The following GLRB variants were observed in gnomAD, a reference collection of about 807,000 sequenced individuals.
GLRB encodes glycine receptor subunit beta.
GLRB carries 33 observed loss-of-function variants against 54.2 expected under a neutral mutation model. The ratio of observed to expected loss-of-function variants is 0.61; its 90% CI spans 0.46 to 0.81. The LOEUF (loss-of-function observed/expected upper bound fraction) is 0.81. Among genes scored for constraint, GLRB ranks in the 40% least tolerant of loss-of-function variants. The pLI is 0.00. For missense variants in GLRB, 572 were observed against 584.6 expected (o/e 0.98, Z 0.22); for synonymous variants, 209 against 208.2 (o/e 1.00, Z -0.03).
At chr4:157,126,795 G>T (rs1437051400) in intron 4 of GLRB, among the ~76,000 whole-genome samples, 1 of 151,712 alleles carries the variant, frequency 6.6e-6, no homozygotes, top group Non-Finnish European at 1.5e-5. Context: ...GGAAAACTGG[G>T]TATTATCGTG....
At position 157,097,849 on chromosome 4, in the gene GLRB, C is replaced by T. The variant is rs369703248; in HGVS notation, c.122+19703C>T. Among the ~76,000 whole-genome samples, 1,316 of 152,132 alleles carry T rather than the reference C, an allele frequency of 8.7e-3. 18 individuals carry two copies. The highest frequency in any genetic ancestry group is 0.03 in the African/African-American group (1,260 of 41,508). ...CAGCCTGGCCACAATGGTGAAACCCCGTCTCTACTAAAAATACAAAAATTA... is the reference window on the plus strand; with the variant it reads ...CAGCCTGGCCACAATGGTGAAACCCTGTCTCTACTAAAAATACAAAAATTA... On this transcript the variant is annotated intron_variant, in intron 2 of 9. Coordinates refer to ENST00000264428, the MANE Select transcript of GLRB (RefSeq NM_000824.5).
intron 7 of GLRB, among the ~76,000 whole-genome samples, chr4:157,142,043 A>G (rs1367069603): frequency 1.3e-5 from 2 of 152,128 alleles, no homozygotes; most frequent in Non-Finnish European, 2.9e-5. Flanking sequence ...AACTAATTTG[A>G]CTTAGTGATA....
rs937952707 is a variant in GLRB, at chr4:157,170,925, A to G, written c.*197A>G. ...AATATCTGTGCTCTAATAACGATGT[A>G]TATATGTATAGTGAACATATTGCTT... On this transcript the variant is annotated 3_prime_UTR_variant, in exon 10 of 10. Coordinates refer to ENST00000264428, the MANE Select transcript of GLRB (RefSeq NM_000824.5). 3.9e-6 allele frequency: 2 copies of G among 509,956 alleles called. No individual in the cohort carries two copies. The highest frequency in any genetic ancestry group is 3.8e-5 in the African/African-American group (2 of 52,112). The allele number at this position is 509,956 out of a possible 1,614,324, so 31.6% of individuals were successfully genotyped here. A position where few individuals can be genotyped will look rare whatever the true frequency, so the allele number is the denominator to read the frequency against.
intron 2 of GLRB, among the ~76,000 whole-genome samples, chr4:157,092,907 A>G (rs1322074681): frequency 6.6e-6 from 1 of 152,206 alleles, no homozygotes; most frequent in Admixed American, 6.5e-5. Context: ...AGTAGTCACA[A>G]AAGGTAGTAA....
rs1269794898 is a variant in GLRB at position 157,143,927 on chromosome 4, A to G, written c.872A>G (p.Asn291Ser). The change falls in exon 8 of 10, where the codon AAC becomes AGC. Residue 291 changes from asparagine (N) to serine (S), a missense_variant. Transcript: ENST00000264428. ...VVLSWLSFWI[N>S]PDASAARVPL... is the part of the protein sequence containing the mutation. ...CTCTCCTGGCTTTCCTTCTGGATCA[A>G]CCCGGACGCGAGTGCTGCCAGAGTG... The G allele has an allele frequency of 5.6e-6, 9 of 1,613,896 alleles. No individual in the cohort carries two copies. The highest frequency in any genetic ancestry group is 7.6e-6 in the Non-Finnish European group (9 of 1,180,012).
intron 1 of GLRB, among the ~76,000 whole-genome samples, chr4:157,077,101 C>A (rs1734066829): frequency 6.7e-6 from 1 of 149,678 alleles, no homozygotes; most frequent in Admixed American, 6.8e-5. Context: ...GAAAGAGAAA[C>A]AATTTATGGT....
chr4:157,143,687 G>T (rs1008592104), intron 7 of GLRB, 120 bp from the exon 8 acceptor site: 2 of 965,416 alleles, frequency 2.1e-6, no homozygotes, highest in Non-Finnish European at 3.2e-6. Flanking sequence ...TTTTTTTGAG[G>T]CATTTCCTCT....
At chr4:157,121,683 T>G (rs1735826977) in intron 3 of GLRB, among the ~76,000 whole-genome samples, 1 of 151,642 alleles carries the variant, frequency 6.6e-6, no homozygotes, top group Non-Finnish European at 1.5e-5. Flanking sequence ...TAAATTCACA[T>G]TTTCCCTTTG....
intron 9 of GLRB, among the ~76,000 whole-genome samples, chr4:157,158,710 T>A (rs1737338407): frequency 6.6e-6 from 1 of 152,226 alleles, no homozygotes; most frequent in Admixed American, 6.5e-5. Flanking sequence ...TTGGTACCAG[T>A]ACCATGCTGT....
chr4:157,098,221 CTTGTTGGTATAG>C (rs1734884052), intron 2 of GLRB, among the ~76,000 whole-genome samples: 1 of 152,142 alleles, frequency 6.6e-6, no homozygotes, highest in African/African-American at 2.4e-5. Flanking sequence ...TTCATCCATG[CTTGTTGGTATAG>C]GAGTAGTTCC....
intron 2 of GLRB, among the ~76,000 whole-genome samples, chr4:157,112,451 T>C (rs1322724872): frequency 6.6e-6 from 1 of 152,022 alleles, no homozygotes; most frequent in East Asian, 1.9e-4. Context: ...AGAGAGAAAT[T>C]TAGCATATTG....
chr4:157,078,865 CG>C (rs200620759), intron 2 of GLRB, among the ~76,000 whole-genome samples: 2,691 of 152,148 alleles, frequency 0.018, 60 homozygotes, highest in African/African-American at 0.059. Context: ...CTCTACCTCC[CG>C]GGTTCAAGCA....
At chr4:157,106,654 C>T (rs1735236933) in intron 2 of GLRB, among the ~76,000 whole-genome samples, 1 of 151,910 alleles carries the variant, frequency 6.6e-6, no homozygotes, top group African/African-American at 2.4e-5. Flanking sequence ...ACTTGAGGCT[C>T]CCTGGTATTT....
intron 9 of GLRB, among the ~76,000 whole-genome samples, chr4:157,166,684 C>T (rs758502665): frequency 3.8e-4 from 58 of 152,080 alleles, no homozygotes; most frequent in African/African-American, 5.1e-4. Context: ...AATATATCTC[C>T]GAGAGACGTT....
intron 8 of GLRB, among the ~76,000 whole-genome samples, chr4:157,151,791 C>T (rs1737031825): frequency 6.6e-6 from 1 of 151,972 alleles, no homozygotes; most frequent in Non-Finnish European, 1.5e-5. Flanking sequence ...GTGGCCAAAT[C>T]TAAGAAGAAA....
intron 2 of GLRB, among the ~76,000 whole-genome samples, chr4:157,093,979 C>G (rs958919216): frequency 7.9e-5 from 12 of 152,070 alleles, no homozygotes; most frequent in Admixed American, 6.6e-5. Flanking sequence ...TTTATGCAAT[C>G]TCTCTCTGTC....
intron 2 of GLRB, among the ~76,000 whole-genome samples, chr4:157,088,381 C>T (rs914026092): frequency 3.3e-5 from 5 of 152,086 alleles, no homozygotes; most frequent in African/African-American, 4.8e-5. Flanking sequence ...ATAATATTTT[C>T]GACTTAATGG....
chr4:157,167,730 G>A (rs1235719054), intron 9 of GLRB, among the ~76,000 whole-genome samples: 1 of 152,124 alleles, frequency 6.6e-6, no homozygotes, highest in African/African-American at 2.4e-5. Context: ...AAATACGTGA[G>A]GCTGTATAAT....
intron 4 of GLRB, among the ~76,000 whole-genome samples, chr4:157,128,192 A>T (rs1436253670): frequency 6.6e-6 from 1 of 151,980 alleles, no homozygotes; most frequent in Admixed American, 6.6e-5. Context: ...ATATCTATAT[A>T]TATGTTTTTA....
Sources: allele counts gnomAD v4.1 joint callset (sites outside exome capture counted in the v4.1 genomes callset), GRCh38; gene constraint gnomAD v4.1.1; transcripts MANE v1.5; gene names NCBI Gene and HGNC (gene_info 2026-07-23, HGNC 2026-07-21).